The following CTNNA3 variants were observed in gnomAD, a reference collection of about 807,000 sequenced individuals.
CTNNA3 encodes catenin alpha 3.
CTNNA3 carries 76 observed loss-of-function variants against 95.7 expected under a neutral mutation model. The ratio of observed to expected loss-of-function variants is 0.79; its 90% CI spans 0.66 to 0.96. CTNNA3 has a LOEUF of 0.96. CTNNA3 is among the 40% of genes least tolerant of loss of function. The probability of loss-of-function intolerance (pLI) is 0.00; values close to 1 mark genes in which losing one functional copy is unlikely to be tolerated. For synonymous variants in CTNNA3, 431 were observed against 374.4 expected, an observed-to-expected ratio of 1.15 and a Z score of -1.74; for missense variants, 1,191 against 1,089.8, an observed-to-expected ratio of 1.09 and a Z score of -1.31.
intron 7 of CTNNA3, among the ~76,000 whole-genome samples, chr10:67,069,688 G>A (rs537846976): frequency 6.6e-6 from 1 of 151,622 alleles, no homozygotes; most frequent in East Asian, 1.9e-4. Flanking sequence ...ATACTCTGTT[G>A]TGTCTGAATG....
At chr10:67,446,152 C>T (rs118179360) in intron 5 of CTNNA3, among the ~76,000 whole-genome samples, 5,227 of 152,150 alleles carry the variant, frequency 0.034, 131 homozygotes, top group Non-Finnish European at 0.051. Context: ...TATTTTGAAC[C>T]GAATCAGTCA....
At chr10:67,373,469 A>C (rs549618820) in intron 5 of CTNNA3, among the ~76,000 whole-genome samples, 10 of 152,356 alleles carry the variant, frequency 6.6e-5, no homozygotes, top group African/African-American at 2.4e-4. Flanking sequence ...ACCCAGATTC[A>C]TAAAGCAAGT....
chr10:67,744,250 C>G (rs1468741717), intron 1 of CTNNA3, among the ~76,000 whole-genome samples: 1 of 151,284 alleles, frequency 6.6e-6, no homozygotes, highest in African/African-American at 2.4e-5. Flanking sequence ...TGACTTCACA[C>G]TATACTACAA....
At chr10:66,152,762 G>C (rs1398172276) in intron 13 of CTNNA3, among the ~76,000 whole-genome samples, 1 of 151,944 alleles carries the variant, frequency 6.6e-6, no homozygotes, top group South Asian at 2.1e-4. Context: ...CATGAGCTTT[G>C]ACTACATTTT....
intron 7 of CTNNA3, among the ~76,000 whole-genome samples, chr10:66,961,270 A>T (rs1267007651): frequency 6.6e-6 from 1 of 151,908 alleles, no homozygotes; most frequent in Non-Finnish European, 1.5e-5. Flanking sequence ...TCTCTCTCTT[A>T]CTCACTCCAA....
intron 15 of CTNNA3, among the ~76,000 whole-genome samples, chr10:66,037,705 C>T (rs1319319181): frequency 6.6e-6 from 1 of 152,112 alleles, no homozygotes; most frequent in African/African-American, 2.4e-5. Context: ...GTGAAGTATC[C>T]TGCCTTGCCC....
chr10:66,044,299 T>C lies in CTNNA3; in HGVS notation c.2159+25009A>G, dbSNP rs138761182. ...AGCCACTGTGCCCGGCCTTCCATTT[T>C]TTATCCAGAAAAATCAAAAGCAAAC... On this transcript the variant is annotated intron_variant, in intron 15 of 17. Transcript: ENST00000433211. 2.4e-3 allele frequency among the ~76,000 whole-genome samples: 362 copies of C among 152,314 alleles called. 5 individuals carry two copies. The highest frequency in any genetic ancestry group is 8.4e-3 in the African/African-American group (349 of 41,582).
chr10:67,144,917 CCTAA>C (rs1860767974), intron 7 of CTNNA3, among the ~76,000 whole-genome samples: 1 of 152,138 alleles, frequency 6.6e-6, no homozygotes, highest in Non-Finnish European at 1.5e-5. Context: ...AACATGCCTT[CCTAA>C]CTAAGCTTAA....
At chr10:67,037,368 T>TAA (rs1252201779) in intron 7 of CTNNA3, among the ~76,000 whole-genome samples, 34 of 107,570 alleles carry the variant, frequency 3.2e-4, no homozygotes, top group African/African-American at 1.2e-3. Flanking sequence ...AATGGAAATC[T>TAA]AAAAAAAAAA....
chr10:65,920,038 T>C lies in CTNNA3; in HGVS notation c.*292A>G, dbSNP rs892552479. 3 of 373,086 alleles carry C rather than the reference T, an allele frequency of 8.0e-6. No individual in the cohort carries two copies. Among genetic ancestry groups the C allele is most frequent in the Non-Finnish European group, 1.5e-5 (3 of 204,478 alleles). 23.1% of individuals were successfully genotyped at this position (373,086 alleles called of 1,614,324 possible). A position where few individuals can be genotyped will look rare whatever the true frequency, so the allele number is the denominator to read the frequency against. ...ACTCTCTGGCCTCTCCTGTGTTTAT[T>C]TGGTAACGAATAGTAGATAATCTCT... On this transcript the variant is annotated 3_prime_UTR_variant, in exon 18 of 18. Transcript: ENST00000433211.
At chr10:67,490,621 A>G (rs1446547677) in intron 5 of CTNNA3, among the ~76,000 whole-genome samples, 1 of 152,154 alleles carries the variant, frequency 6.6e-6, no homozygotes, top group African/African-American at 2.4e-5. Context: ...CATACTGAAA[A>G]CAGAAGAGAG....
At chr10:67,079,244 T>C (rs1312620223) in intron 7 of CTNNA3, among the ~76,000 whole-genome samples, 5 of 152,204 alleles carry the variant, frequency 3.3e-5, no homozygotes, top group Admixed American at 6.5e-5. Context: ...CTCTGTGTTA[T>C]AGAACAAGGG....
intron 2 of CTNNA3, among the ~76,000 whole-genome samples, chr10:67,615,137 G>A (rs1843605344): frequency 6.6e-6 from 1 of 152,140 alleles, no homozygotes; most frequent in Non-Finnish European, 1.5e-5. Context: ...TTTACCACAA[G>A]TGATACAAAA....
intron 5 of CTNNA3, among the ~76,000 whole-genome samples, chr10:67,359,651 A>G (rs1475137333): frequency 6.6e-6 from 1 of 152,176 alleles, no homozygotes; most frequent in Non-Finnish European, 1.5e-5. Flanking sequence ...TAGTCAGACA[A>G]AAATAAAGAA....
rs58440639 is a variant in CTNNA3 at position 66,437,595 on chromosome 10, C to T, written c.1532-58243G>A. On this transcript the variant is annotated intron_variant, in intron 11 of 17. Transcript: ENST00000433211. Reference sequence around the variant, plus strand: ...TCCAGTTAGCAGTTCCTAGGGAGACCTAGGGGAATCTTTTATCAAGGTTCT... The same window carrying T: ...TCCAGTTAGCAGTTCCTAGGGAGACTTAGGGGAATCTTTTATCAAGGTTCT... Among the ~76,000 whole-genome samples, 1,206 of 151,880 alleles carry T rather than the reference C, an allele frequency of 7.9e-3. 11 individuals are homozygous for T. The highest frequency in any genetic ancestry group is 0.024 in the Middle Eastern group (7 of 294).
At chr10:65,932,456 C>T (rs2077269912) in intron 17 of CTNNA3, among the ~76,000 whole-genome samples, 1 of 152,000 alleles carries the variant, frequency 6.6e-6, no homozygotes, top group Non-Finnish European at 1.5e-5. Context: ...CTAGTAACAG[C>T]CTTGTGATGT....
At chr10:66,148,788 G>A (rs2084031545) in intron 13 of CTNNA3, among the ~76,000 whole-genome samples, 1 of 152,018 alleles carries the variant, frequency 6.6e-6, no homozygotes, top group African/African-American at 2.4e-5. Context: ...AAGGCATTAT[G>A]TGTGTATGTA....
intron 9 of CTNNA3, among the ~76,000 whole-genome samples, chr10:66,706,773 G>T (rs940892777): frequency 6.6e-6 from 1 of 151,726 alleles, no homozygotes; most frequent in African/African-American, 2.4e-5. Context: ...AGGGGGAGGG[G>T]GTCACAACAG....
chr10:67,728,606 G>T (rs1038277572), intron 1 of CTNNA3, among the ~76,000 whole-genome samples: 15 of 151,620 alleles, frequency 9.9e-5, no homozygotes, highest in Non-Finnish European at 1.6e-4. Context: ...ACCCCACTGT[G>T]AGAACCACTG....
Sources: gnomAD v4.1 joint callset for allele counts (sites outside exome capture counted in the v4.1 genomes callset) on GRCh38, gnomAD v4.1.1 for gene constraint, MANE v1.5 for transcripts, NCBI Gene and HGNC (gene_info 2026-07-23, HGNC 2026-07-21) for gene names.